TMEM201: variants seen among roughly 807,000 people sequenced by gnomAD.
TMEM201 encodes the protein transmembrane protein 201, also known as RP13-15M17.2.
TMEM201 carries 26 observed loss-of-function variants against 63.4 expected under a neutral mutation model. That is an observed-to-expected ratio of 0.41 (90% CI 0.30 to 0.57). TMEM201 has a LOEUF of 0.57. TMEM201 is among the 20% of genes least tolerant of loss of function. The pLI, the probability that TMEM201 is intolerant of heterozygous loss-of-function variation, is 0.29. For synonymous variants in TMEM201, 417 were observed against 421.6 expected, an observed-to-expected ratio of 0.99 and a Z score of 0.14; for missense variants, 794 against 917.7, an observed-to-expected ratio of 0.87 and a Z score of 1.74.
chr1:9,598,261 C>T (rs1644062990), intron 3 of TMEM201, among the ~76,000 whole-genome samples, 188 bp from the exon 4 acceptor site: 1 of 152,210 alleles, frequency 6.6e-6, no homozygotes, highest in Non-Finnish European at 1.5e-5. Flanking sequence ...CCCGGTAGTC[C>T]ACATGGCTCT....
In TMEM201 at chr1:9,610,863, T is replaced by A; in HGVS notation, c.1765+58T>A. ...GGAGGGCCTCTGCTGCCAAGAGGCC[T>A]GGCTGTGCGGCGGTGGGGGGGCTCA... On this transcript the variant is annotated intron_variant, in intron 9 of 10. Coordinates refer to ENST00000340381, the MANE Select transcript of TMEM201 (RefSeq NM_001130924.3). This position sits in a 1 kb window ranked among gnomAD's most constrained non-coding sequence, Gnocchi z 4.9. 6.7e-7 allele frequency: 1 copy of A among 1,496,936 alleles called. No homozygotes were observed. The highest frequency in any genetic ancestry group is 8.9e-7 in the Non-Finnish European group (1 of 1,118,388). 92.7% of individuals were successfully genotyped at this position (1,496,936 alleles called of 1,614,324 possible).
In TMEM201 at chr1:9,595,525, T is replaced by C. The variant is rs143517682; in HGVS notation, c.114-365T>C. Among the ~76,000 whole-genome samples, 703 of 152,114 alleles carry C rather than the reference T, an allele frequency of 4.6e-3. 7 individuals are homozygous for C. Among genetic ancestry groups the C allele is most frequent in the African/African-American group, 0.016 (660 of 41,498 alleles). ...TGGCCAGCCCTGGCCCCTGTTGTGC[T>C]CCATGTGTGAGCCCCAGGCCACCAG... On this transcript the variant is annotated intron_variant, in intron 1 of 10. Coordinates refer to ENST00000340381, the MANE Select transcript of TMEM201 (RefSeq NM_001130924.3).
At chr1:9,611,477 C>T (rs1030621491) in intron 9 of TMEM201, among the ~76,000 whole-genome samples, 3 of 152,240 alleles carry the variant, frequency 2.0e-5, no homozygotes, top group Admixed American at 6.5e-5. Context: ...GGATCACAGG[C>T]GTGGGCCACT....
chr1:9,608,710 G>A lies in TMEM201; in HGVS notation c.1393+921G>A, dbSNP rs766375888. 3.9e-5 allele frequency among the ~76,000 whole-genome samples: 6 copies of A among 152,210 alleles called. No individual in the cohort carries two copies. The highest frequency in any genetic ancestry group is 8.8e-5 in the Non-Finnish European group (6 of 68,034). On this transcript the variant is annotated intron_variant, in intron 7 of 10. Transcript: ENST00000340381. This position sits in a 1 kb window ranked among gnomAD's most constrained non-coding sequence, Gnocchi z 4.3. ...GTTTCAAGCCCCTTGGGAGGGGAGC[G>A]TGGCAATCCCAGGGCCAGTTCAGGC...
At chr1:9,612,938 C>G in intron 10 of TMEM201, 48 bp from the exon 11 acceptor site, 1 of 1,518,762 alleles carries the variant, frequency 6.6e-7, no homozygotes, top group Non-Finnish European at 8.9e-7. Context: ...AGCTGCACAG[C>G]GAACCCACCC....
intron 7 of TMEM201, among the ~76,000 whole-genome samples, chr1:9,609,329 G>A (rs1339430258): frequency 6.6e-6 from 1 of 152,230 alleles, no homozygotes. Flanking sequence ...ACTTGGAATT[G>A]GGGCCCCTGC....
At chr1:9,597,946 G>A (rs1052377853) in intron 3 of TMEM201, among the ~76,000 whole-genome samples, 15 of 152,232 alleles carry the variant, frequency 9.9e-5, no homozygotes, top group African/African-American at 2.4e-4. Context: ...CTGAGAAGGA[G>A]GGGACTTGTC....
At chr1:9,600,624 A>G (rs898011873) in intron 4 of TMEM201, among the ~76,000 whole-genome samples, 1 of 152,156 alleles carries the variant, frequency 6.6e-6, no homozygotes, top group African/African-American at 2.4e-5. Context: ...GAGTAAAGGA[A>G]GGGGCTCAAC....
chr1:9,593,561 G>A (rs1008936347), intron 1 of TMEM201, among the ~76,000 whole-genome samples: 1 of 152,156 alleles, frequency 6.6e-6, no homozygotes, highest in African/African-American at 2.4e-5. Flanking sequence ...CCCTCTTCCG[G>A]GCCGCCTCAT....
intron 10 of TMEM201, 102 bp from the exon 11 acceptor site, chr1:9,612,884 G>T: frequency 1.0e-6 from 1 of 990,262 alleles, no homozygotes; most frequent in East Asian, 2.6e-5. Flanking sequence ...ACCCTGGGCA[G>T]AGCCTTGAGC....
rs905590228 is a variant in TMEM201 at position 9,594,077 on chromosome 1, C to G, written c.114-1813C>G. Among the ~76,000 whole-genome samples the G allele has an allele frequency of 5.9e-5, 9 of 152,234 alleles. No homozygotes were observed. The South Asian group carries it at 6.2e-4, about 10-fold the overall frequency. On this transcript the variant is annotated intron_variant, in intron 1 of 10. Coordinates refer to ENST00000340381, the MANE Select transcript of TMEM201 (RefSeq NM_001130924.3). The stretch of plus-strand genomic sequence containing the variant: ...CTAATGCCGAGCACTGAGCGCCTCC[C>G]TGCATTCTCCTGTAGGATCCTCACA...
intron 1 of TMEM201, among the ~76,000 whole-genome samples, chr1:9,595,516 C>T (rs1019411571): frequency 1.3e-5 from 2 of 152,136 alleles, no homozygotes; most frequent in African/African-American, 4.8e-5. Flanking sequence ...GCCCTGGCCC[C>T]TGTTGTGCTC....
rs763171920 is a variant in TMEM201 at position 9,602,268 on chromosome 1, C to T, written c.1156C>T (p.Arg386Ter). Residue 386 changes from arginine to a stop codon, truncating the protein, a stop_gained, in exon 6 of 11, where the codon CGA (arginine) becomes TGA (stop). Coordinates refer to ENST00000340381, the MANE Select transcript of TMEM201 (RefSeq NM_001130924.3). LOFTEE classifies it high-confidence loss of function. The part of the protein sequence containing the change: ...KATGPRRFRP[R>*]RFFPGDSAGL... The stretch of plus-strand genomic sequence containing the variant: ...AACGGGCCCACGGAGGTTCCGGCCC[C>T]GAAGGTCAGAGAAGCAGCCATGACT... 6.2e-7 allele frequency: 1 copy of T among 1,611,066 alleles called. No homozygotes were observed. The highest frequency in any genetic ancestry group is 8.5e-7 in the Non-Finnish European group (1 of 1,179,744).
rs1374428157 is a variant in TMEM201, at chr1:9,608,802, G to A, written c.1393+1013G>A. ...TCTCCCTGTTAAGGCTCAAGGCAGGGACACAGTAGCGACCTGTCTGAGGTA... is the reference window on the plus strand; with the variant it reads ...TCTCCCTGTTAAGGCTCAAGGCAGGAACACAGTAGCGACCTGTCTGAGGTA... On this transcript the variant is annotated intron_variant, in intron 7 of 10. Transcript: ENST00000340381. This position sits in a 1 kb window ranked among gnomAD's most constrained non-coding sequence, Gnocchi z 4.3. Among the ~76,000 whole-genome samples, 1 of 152,208 alleles carries A rather than the reference G, an allele frequency of 6.6e-6. No individual in the cohort carries two copies. Among genetic ancestry groups the A allele is most frequent in the East Asian group, 1.9e-4 (1 of 5,192 alleles).
rs753831240 is a variant in TMEM201, at chr1:9,603,462, G to A, written c.1160+1190G>A. The A allele has an allele frequency of 1.0e-5, 10 of 985,238 alleles. No individual in the cohort carries two copies. Among genetic ancestry groups the A allele is most frequent in the Middle Eastern group, 5.2e-4 (1 of 1,936 alleles). The allele number at this position is 985,238 out of a possible 1,614,324, so 61.0% of individuals were successfully genotyped here. A position where few individuals can be genotyped will look rare whatever the true frequency, so the allele number is the denominator to read the frequency against. ...GAGTGGCCCGAGGCCGTCCCTCACC[G>A]GGCATGTTCCCTCTGGCTGCCCACT... is the stretch of plus-strand genomic sequence containing the variant. On this transcript the variant is annotated intron_variant, in intron 6 of 10. Coordinates refer to ENST00000340381, the MANE Select transcript of TMEM201 (RefSeq NM_001130924.3). The surrounding 1 kb of genome is among the most constrained non-coding windows in gnomAD (Gnocchi z 4.5).
Position 9,610,544 on chromosome 1 carries a change from C to G in TMEM201, c.1504C>G (p.Pro502Ala). The G allele has an allele frequency of 6.5e-7, 1 of 1,546,554 alleles. No homozygotes were observed. Among genetic ancestry groups the G allele is most frequent in the Non-Finnish European group, 8.7e-7 (1 of 1,143,972 alleles). ...SLLSGSCPSS[P>A]LPSPAPSVAG... ...TCTGTCGGGGAGCTGCCCCTCCTCC[C>G]CACTCCCTTCCCCAGCGCCTTCCGT... is the stretch of plus-strand genomic sequence containing the variant. Residue 502 changes from proline to alanine, a missense_variant, in exon 9 of 11, where the codon CCA (proline) becomes GCA (alanine). Pro to Ala is a conservative substitution (Grantham distance 27, BLOSUM62 -1). Transcript: ENST00000340381. This position sits in a 1 kb window ranked among gnomAD's most constrained non-coding sequence, Gnocchi z 4.9.
chr1:9,610,677 C>T lies in TMEM201; in HGVS notation c.1637C>T (p.Pro546Leu), dbSNP rs1215488484. The T allele has an allele frequency of 1.3e-6, 2 of 1,550,608 alleles. No individual in the cohort carries two copies. Among genetic ancestry groups the T allele is most frequent in the Admixed American group, 2.0e-5 (1 of 51,008 alleles). The change falls in exon 9 of 11, where the codon CCC becomes CTC. Residue 546 changes from proline (P) to leucine (L), a missense_variant. Coordinates refer to ENST00000340381, the MANE Select transcript of TMEM201 (RefSeq NM_001130924.3). This position sits in a 1 kb window ranked among gnomAD's most constrained non-coding sequence, Gnocchi z 4.9. Reference protein sequence around the residue: ...KGQKLLLFPSPPGEAPTTPSS... With the variant: ...KGQKLLLFPSLPGEAPTTPSS... ...CAGAAGCTGCTGCTGTTCCCGTCACCCCCTGGAGAGGCCCCCACCACGCCC... is the reference window on the plus strand; with the variant it reads ...CAGAAGCTGCTGCTGTTCCCGTCACTCCCTGGAGAGGCCCCCACCACGCCC...
rs1644196792 is a variant in TMEM201 at position 9,603,998 on chromosome 1, T to TGTCTACCTGAGGGGCAGGGAACC, written c.1160+1728_1160+1750dup. 6 of 985,182 alleles carry TGTCTACCTGAGGGGCAGGGAACC rather than the reference T, an allele frequency of 6.1e-6. No homozygotes were observed. Among genetic ancestry groups the TGTCTACCTGAGGGGCAGGGAACC allele is most frequent in the Non-Finnish European group, 7.2e-6 (6 of 829,912 alleles). 61.0% of individuals were successfully genotyped at this position (985,182 alleles called of 1,614,324 possible). A position where few individuals can be genotyped will look rare whatever the true frequency, so the allele number is the denominator to read the frequency against. The stretch of plus-strand genomic sequence containing the variant: ...GGTGAGCCAAAGCGGCCCCCCATGG[T>TGTCTACCTGAGGGGCAGGGAACC]GTCTACCTGAGGGGCAGGGAACCGC... On this transcript the variant is annotated intron_variant, in intron 6 of 10. Coordinates refer to ENST00000340381, the MANE Select transcript of TMEM201 (RefSeq NM_001130924.3). The surrounding 1 kb of genome is among the most constrained non-coding windows in gnomAD (Gnocchi z 4.5).
At position 9,605,371 on chromosome 1, in the gene TMEM201, G is replaced by A. The variant is rs1454143827; in HGVS notation, c.1161-2186G>A. Among the ~76,000 whole-genome samples, 1 of 152,090 alleles carries A rather than the reference G, an allele frequency of 6.6e-6. No homozygotes were observed. The highest frequency in any genetic ancestry group is 2.1e-4 in the South Asian group (1 of 4,818). On this transcript the variant is annotated intron_variant, in intron 6 of 10. Transcript: ENST00000340381. This position sits in a 1 kb window ranked among gnomAD's most constrained non-coding sequence, Gnocchi z 5.7. ...GATCCTGGCCTCTTAGTCCCTCTCT[G>A]ACACTCCCCAGAGCCAGCATCCAGG...
Sources: gnomAD v4.1 joint callset for allele counts (sites outside exome capture counted in the v4.1 genomes callset) on GRCh38, gnomAD v4.1.1 for gene constraint, Gnocchi (gnomAD v3.1) non-coding constraint, MANE v1.5 for transcripts, NCBI Gene and HGNC (gene_info 2026-07-23, HGNC 2026-07-21) for gene names.